Variants in RARB observed in about 807,000 individuals in gnomAD.
The protein encoded by RARB is HBV-activated protein.
RARB carries 17 observed loss-of-function variants against 51.9 expected under a neutral mutation model. The ratio of observed to expected loss-of-function variants is 0.33; its 90% CI spans 0.22 to 0.49. RARB has a LOEUF of 0.49. Among genes scored for constraint, RARB ranks in the 20% least tolerant of loss-of-function variants. The pLI, the probability that RARB is intolerant of heterozygous loss-of-function variation, is 0.99. For missense variants in RARB, 369 were observed against 550.8 expected (o/e 0.67, Z 3.30); for synonymous variants, 215 against 195.4 (o/e 1.10, Z -0.84).
At chr3:25,298,234 G>A (rs1703963140) in intron 5 of RARB, among the ~76,000 whole-genome samples, 2 of 149,032 alleles carry the variant, frequency 1.3e-5, no homozygotes, top group African/African-American at 2.5e-5. Context: ...CCAGGCTGAA[G>A]TGCAGTGGTG....
At chr3:25,171,774 G>A (rs1003046182) in intron 4 of RARB, among the ~76,000 whole-genome samples, 5 of 151,742 alleles carry the variant, frequency 3.3e-5, no homozygotes, top group Non-Finnish European at 7.4e-5. Flanking sequence ...TTATAACAAT[G>A]CTATGCTTTG....
intron 1 of RARB, among the ~76,000 whole-genome samples, chr3:24,847,777 G>A (rs1702503260): frequency 6.6e-6 from 1 of 152,196 alleles, no homozygotes; most frequent in African/African-American, 2.4e-5. Flanking sequence ...AGCTAATTCA[G>A]TACTTCTAGG....
chr3:25,403,873 G>T (rs1237237653), intron 5 of RARB, among the ~76,000 whole-genome samples: 1 of 64,880 alleles, frequency 1.5e-5, no homozygotes, highest in African/African-American at 6.5e-5. Flanking sequence ...CACAAGCTGT[G>T]AATTTCTTTT....
intron 5 of RARB, among the ~76,000 whole-genome samples, chr3:25,261,445 G>A (rs1702995621): frequency 6.6e-6 from 1 of 152,026 alleles, no homozygotes; most frequent in Non-Finnish European, 1.5e-5. Context: ...ACTGTCCCCT[G>A]AGGTTCTATT....
chr3:24,863,860 C>T lies in RARB; in HGVS notation c.-380+5108C>T, dbSNP rs986997373. ...GAACTTCTTGCCCACCCAGAAACTT[C>T]TGTATCTATGTTTCCATTCTTCCTG... is the stretch of plus-strand genomic sequence containing the variant. On this transcript the variant is annotated intron_variant, in intron 2 of 11. Transcript: ENST00000383772. 2.0e-5 allele frequency among the ~76,000 whole-genome samples: 3 copies of T among 152,242 alleles called. No homozygotes were observed. In the East Asian group the frequency reaches 5.8e-4, roughly 29 times the overall value.
At chr3:25,106,455 T>G (rs866602679) in intron 3 of RARB, among the ~76,000 whole-genome samples, 2 of 87,050 alleles carry the variant, frequency 2.3e-5, no homozygotes, top group African/African-American at 4.7e-5. Flanking sequence ...TTTTTTGTTT[T>G]TTGTTTTTTT....
chr3:25,515,682 C>A (rs1698130357), intron 3 of RARB, among the ~76,000 whole-genome samples: 1 of 152,108 alleles, frequency 6.6e-6, no homozygotes, highest in Non-Finnish European at 1.5e-5. Flanking sequence ...CTATATTATT[C>A]CATTTGTTTA....
chr3:25,535,514 G>A (rs1323052130), intron 3 of RARB, among the ~76,000 whole-genome samples: 1 of 151,324 alleles, frequency 6.6e-6, no homozygotes, highest in Non-Finnish European at 1.5e-5. Context: ...GCACCCATCA[G>A]CCCCTCATCT....
intron 5 of RARB, among the ~76,000 whole-genome samples, chr3:25,186,565 T>A (rs1383179085): frequency 6.6e-6 from 1 of 152,078 alleles, no homozygotes; most frequent in East Asian, 1.9e-4. Context: ...GCAAAATAAG[T>A]GGTATATTCA....
rs79331408 is a variant in RARB at position 25,512,429 on chromosome 3, C to T, written c.448+11106C>T. Among the ~76,000 whole-genome samples the T allele has an allele frequency of 5.8e-3, 879 of 152,312 alleles. 8 individuals are homozygous for T. Among genetic ancestry groups the T allele is most frequent in the African/African-American group, 0.02 (843 of 41,556 alleles). ...GATGTTGGAATTCATGGCACTTCAT[C>T]GCTTACACAATCAACTCCAAATGTC... On this transcript the variant is annotated intron_variant, in intron 3 of 7. Coordinates refer to ENST00000330688, the MANE Select transcript of RARB (RefSeq NM_000965.5).
intron 2 of RARB, among the ~76,000 whole-genome samples, chr3:24,951,007 T>A (rs558185510): frequency 5.3e-5 from 8 of 152,124 alleles, no homozygotes; most frequent in South Asian, 4.1e-4. Flanking sequence ...CTGGGAGAAT[T>A]GGAGACCTGA....
At chr3:25,414,894 T>A (rs559313686) in intron 5 of RARB, among the ~76,000 whole-genome samples, 1 of 152,094 alleles carries the variant, frequency 6.6e-6, no homozygotes, top group Non-Finnish European at 1.5e-5. Context: ...CAGGCTGGAG[T>A]GTAATGGTGT....
chr3:24,942,619 G>A (rs1305037412), intron 2 of RARB, among the ~76,000 whole-genome samples: 1 of 152,124 alleles, frequency 6.6e-6, no homozygotes, highest in African/African-American at 2.4e-5. Context: ...CAAATCATAT[G>A]ACCTCAGTTT....
intron 1 of RARB, among the ~76,000 whole-genome samples, chr3:25,440,656 C>G (rs9310781): frequency 0.22 from 32,581 of 151,428 alleles, 3,597 homozygotes; most frequent in Middle Eastern, 0.31. Context: ...GCCTGTAGTC[C>G]CAGCTGCTCA....
chr3:25,195,470 C>T (rs1019810260), intron 5 of RARB, among the ~76,000 whole-genome samples: 4 of 151,986 alleles, frequency 2.6e-5, no homozygotes, highest in Admixed American at 6.6e-5. Context: ...TAGCACGTGA[C>T]GTCAGCTTGG....
rs551425279 is a variant in RARB at position 25,514,614 on chromosome 3, T to G, written c.448+13291T>G. Among the ~76,000 whole-genome samples, 53 of 152,318 alleles carry G rather than the reference T, an allele frequency of 3.5e-4. 1 individual carries two copies. In the East Asian group the frequency reaches 5.0e-3, roughly 14 times the overall value. Reference sequence around the variant, plus strand: ...CTCCATTTTTCTTTGCTTGTTTTTTTGGGGGAAGGGGATTATAACGTCAGT... The same window carrying G: ...CTCCATTTTTCTTTGCTTGTTTTTTGGGGGGAAGGGGATTATAACGTCAGT... On this transcript the variant is annotated intron_variant, in intron 3 of 7. Transcript: ENST00000330688.
At chr3:24,878,090 T>C (rs895088176) in intron 2 of RARB, among the ~76,000 whole-genome samples, 2 of 152,220 alleles carry the variant, frequency 1.3e-5, no homozygotes, top group African/African-American at 4.8e-5. Flanking sequence ...TTTGAGGCTA[T>C]GTCGTTAGCC....
intron 6 of RARB, among the ~76,000 whole-genome samples, chr3:25,593,937 A>G (rs1357030454): frequency 6.6e-6 from 1 of 152,046 alleles, no homozygotes; most frequent in East Asian, 1.9e-4. Flanking sequence ...CTATTACTCC[A>G]ATTGCCACAG....
intron 5 of RARB, among the ~76,000 whole-genome samples, chr3:25,207,403 G>T (rs1701577732): frequency 6.6e-6 from 1 of 152,092 alleles, no homozygotes. Flanking sequence ...AGCTTGTTTG[G>T]GACATGTAGT....
Sources: gnomAD v4.1 joint callset for allele counts (sites outside exome capture counted in the v4.1 genomes callset) on GRCh38, gnomAD v4.1.1 for gene constraint, MANE v1.5 for transcripts, NCBI Gene and HGNC (gene_info 2026-07-23, HGNC 2026-07-21) for gene names.